Variants in HHAT observed in about 807,000 individuals in gnomAD.
The protein encoded by HHAT is protein-cysteine N-palmitoyltransferase HHAT.
A neutral mutation model predicts 70.8 loss-of-function variants in HHAT; 47 were observed. The observed-to-expected ratio is 0.66, with a 90% CI of 0.53 to 0.85. The LOEUF is 0.85. HHAT is among the 40% of genes least tolerant of loss of function. The probability of loss-of-function intolerance (pLI) is 0.00; values close to 1 mark genes in which losing one functional copy is unlikely to be tolerated. For missense variants in HHAT, 609 were observed against 604.8 expected, an observed-to-expected ratio of 1.01 and a Z score of -0.07; for synonymous variants, 228 against 247.6, an observed-to-expected ratio of 0.92 and a Z score of 0.74.
chr1:210,643,680 A>G (rs1673413697), intron 11 of HHAT, among the ~76,000 whole-genome samples: 1 of 151,930 alleles, frequency 6.6e-6, no homozygotes, highest in Admixed American at 6.5e-5. Context: ...AGAGAGTGGC[A>G]TTTGCGTTGT....
intron 9 of HHAT, among the ~76,000 whole-genome samples, chr1:210,529,347 T>C (rs1412765348): frequency 1.3e-5 from 2 of 151,428 alleles, no homozygotes; most frequent in African/African-American, 4.9e-5. Flanking sequence ...AACGGGGATA[T>C]TTGTTGTTAA....
chr1:210,458,245 T>TGG (rs1024838135), intron 7 of HHAT, among the ~76,000 whole-genome samples: 5 of 152,092 alleles, frequency 3.3e-5, no homozygotes, highest in African/African-American at 1.2e-4. Flanking sequence ...GCAATACTTG[T>TGG]GGGATAGGGT....
intron 3 of HHAT, among the ~76,000 whole-genome samples, chr1:210,369,168 G>A (rs892665450): frequency 6.6e-6 from 1 of 152,194 alleles, no homozygotes; most frequent in Admixed American, 6.5e-5. Context: ...ACATGTAGAG[G>A]GGGACTGCTG....
chr1:210,405,895 T>C (rs917511474), intron 6 of HHAT, among the ~76,000 whole-genome samples: 4 of 152,220 alleles, frequency 2.6e-5, no homozygotes, highest in Non-Finnish European at 4.4e-5. Context: ...TTTAAAATTA[T>C]TGTGTAAAAG....
At chr1:210,384,164 A>C (rs1199987805) in intron 3 of HHAT, among the ~76,000 whole-genome samples, 2 of 152,198 alleles carry the variant, frequency 1.3e-5, no homozygotes, top group Non-Finnish European at 2.9e-5. Flanking sequence ...CAGAACAATC[A>C]TGTCTCTCAG....
At chr1:210,572,860 C>T (rs1312587483) in intron 9 of HHAT, among the ~76,000 whole-genome samples, 1 of 152,208 alleles carries the variant, frequency 6.6e-6, no homozygotes, top group Non-Finnish European at 1.5e-5. Flanking sequence ...TGCACCAGTA[C>T]ATTCCAGCTT....
rs71146234 is a variant in HHAT at position 210,577,073 on chromosome 1, G to GTT, written c.1044-10816_1044-10815dup. Among the ~76,000 whole-genome samples, 304 of 146,894 alleles carry GTT rather than the reference G, an allele frequency of 2.1e-3. 3 individuals carry two copies. Among genetic ancestry groups the GTT allele is most frequent in the South Asian group, 8.6e-3 (40 of 4,666 alleles). On this transcript the variant is annotated intron_variant, in intron 9 of 11. Coordinates refer to ENST00000261458, the MANE Select transcript of HHAT (RefSeq NM_018194.6). ...TGATTTTACTGAATTTGTTTAACGGGTTTTTTTTTTGCAGTCTTTAGGGTT... is the reference window on the plus strand; with the variant it reads ...TGATTTTACTGAATTTGTTTAACGGGTTTTTTTTTTTTGCAGTCTTTAGGGTT...
chr1:210,423,303 T>C (rs759827648), intron 7 of HHAT, among the ~76,000 whole-genome samples: 1 of 152,210 alleles, frequency 6.6e-6, no homozygotes, highest in Non-Finnish European at 1.5e-5. Context: ...GTGGCTCTGA[T>C]TTGCATTTCC....
intron 7 of HHAT, among the ~76,000 whole-genome samples, chr1:210,460,883 G>T (rs552052523): frequency 6.6e-6 from 1 of 152,252 alleles, no homozygotes; most frequent in Admixed American, 6.5e-5. Flanking sequence ...GACATAACTG[G>T]TGATTCCATT....
chr1:210,542,638 A>C (rs1263459782), intron 9 of HHAT, among the ~76,000 whole-genome samples: 1 of 151,792 alleles, frequency 6.6e-6, no homozygotes, highest in Non-Finnish European at 1.5e-5. Flanking sequence ...TCTCTATAAA[A>C]TAAAATAAAA....
intron 9 of HHAT, among the ~76,000 whole-genome samples, chr1:210,585,698 C>A (rs1383364074): frequency 6.6e-6 from 1 of 152,086 alleles, no homozygotes; most frequent in Non-Finnish European, 1.5e-5. Context: ...GGATTACAGG[C>A]AAGAGCCACT....
rs577667215 is a variant in HHAT, at chr1:210,554,226, C to T, written c.1044-33672C>T. Among the ~76,000 whole-genome samples, 13 of 152,300 alleles carry T rather than the reference C, an allele frequency of 8.5e-5. No individual in the cohort carries two copies. In the South Asian group the frequency reaches 2.7e-3, roughly 32 times the overall value. ...AAAGTTTTGTTCACTGCTGCATCCTCAGTGCCCCTTTTAAGGTCTGTCATC... is the reference window on the plus strand; with the variant it reads ...AAAGTTTTGTTCACTGCTGCATCCTTAGTGCCCCTTTTAAGGTCTGTCATC... On this transcript the variant is annotated intron_variant, in intron 9 of 11. Coordinates refer to ENST00000261458, the MANE Select transcript of HHAT (RefSeq NM_018194.6).
chr1:210,378,050 A>C (rs1459976667), intron 3 of HHAT, among the ~76,000 whole-genome samples: 1 of 152,264 alleles, frequency 6.6e-6, no homozygotes, highest in Admixed American at 6.5e-5. Flanking sequence ...TCTTTTAGAA[A>C]TAGAAAAGCA....
chr1:210,654,424 C>T (rs556120601), intron 11 of HHAT, among the ~76,000 whole-genome samples: 1 of 152,328 alleles, frequency 6.6e-6, no homozygotes, highest in African/African-American at 2.4e-5. Context: ...CCAGTTCTGT[C>T]ATCCCATGTG....
chr1:210,423,496 C>T (rs1279337326), intron 7 of HHAT, among the ~76,000 whole-genome samples: 1 of 152,116 alleles, frequency 6.6e-6, no homozygotes, highest in Non-Finnish European at 1.5e-5. Context: ...AATATTTTCT[C>T]CTATTCTGTA....
At chr1:210,530,287 T>C (rs1188479451) in intron 9 of HHAT, among the ~76,000 whole-genome samples, 1 of 152,192 alleles carries the variant, frequency 6.6e-6, no homozygotes, top group African/African-American at 2.4e-5. Context: ...GTTGAATTCC[T>C]AGGAAATACA....
intron 11 of HHAT, chr1:210,630,972 A>G (rs1022941433): frequency 2.3e-6 from 1 of 444,268 alleles, no homozygotes; most frequent in Non-Finnish European, 4.5e-6. Flanking sequence ...TGAAGCCAAC[A>G]TATCTTTGTA....
intron 7 of HHAT, chr1:210,439,480 T>C (rs2093455524): frequency 6.6e-6 from 1 of 151,806 alleles, no homozygotes; most frequent in Admixed American, 6.6e-5. Context: ...GACTTGCTGG[T>C]AAGTGTGCTC....
chr1:210,664,269 A>G (rs530879145), intron 11 of HHAT, among the ~76,000 whole-genome samples: 2 of 152,258 alleles, frequency 1.3e-5, no homozygotes, highest in Non-Finnish European at 2.9e-5. Flanking sequence ...CATTTGATGA[A>G]TGACTCCATG....
Sources: gnomAD v4.1 joint callset for allele counts (sites outside exome capture counted in the v4.1 genomes callset) on GRCh38, gnomAD v4.1.1 for gene constraint, MANE v1.5 for transcripts, NCBI Gene and HGNC (gene_info 2026-07-23, HGNC 2026-07-21) for gene names.